SKIC3: variants seen among roughly 807,000 people sequenced by gnomAD.
SKIC3 encodes the protein superkiller complex protein 3.
the SKIC3 span, chr5:95,482,530 T>C: frequency 8.1e-6 from 13 of 1,614,054 alleles, no homozygotes; most frequent in South Asian, 7.7e-5. Context: ...GTTCTTCAAG[T>C]ACAGCATCTG....
At chr5:95,533,634 C>A in the SKIC3 span, among the ~76,000 whole-genome samples, 2 of 152,178 alleles carry the variant, frequency 1.3e-5, no homozygotes, top group African/African-American at 2.4e-5. Flanking sequence ...CACATATACA[C>A]TCTTTTTGCT....
chr5:95,519,877 C>G, the SKIC3 span, among the ~76,000 whole-genome samples: 1 of 151,986 alleles, frequency 6.6e-6, no homozygotes, highest in East Asian at 1.9e-4. Flanking sequence ...AAAGCATGCC[C>G]TTTACACAGT....
At chr5:95,552,797 T>C in the SKIC3 span, among the ~76,000 whole-genome samples, 1 of 151,288 alleles carries the variant, frequency 6.6e-6, no homozygotes, top group Admixed American at 6.6e-5. Flanking sequence ...CACAAAAGAG[T>C]AATCAAAACA....
the SKIC3 span, among the ~76,000 whole-genome samples, chr5:95,496,640 T>C: frequency 2.6e-4 from 39 of 152,294 alleles, no homozygotes; most frequent in African/African-American, 9.4e-4. Flanking sequence ...GGCACCTTAA[T>C]TCTAGGCCTC....
the SKIC3 span, among the ~76,000 whole-genome samples, chr5:95,486,454 A>C: frequency 6.6e-6 from 1 of 152,004 alleles, no homozygotes; most frequent in Non-Finnish European, 1.5e-5. Flanking sequence ...AAGCAACCCC[A>C]CCCTACCTAG....
the SKIC3 span, chr5:95,522,022 A>C: frequency 1.2e-6 from 2 of 1,611,862 alleles, no homozygotes. Context: ...TCAGGATCAT[A>C]AAAGTCAAAG....
At chr5:95,537,792 G>A in the SKIC3 span, among the ~76,000 whole-genome samples, 1 of 152,124 alleles carries the variant, frequency 6.6e-6, no homozygotes, top group Non-Finnish European at 1.5e-5. Flanking sequence ...CACTCAGCTG[G>A]CTACACGTTC....
At chr5:95,494,211 T>C in the SKIC3 span, among the ~76,000 whole-genome samples, 3 of 152,310 alleles carry the variant, frequency 2.0e-5, no homozygotes, top group African/African-American at 4.8e-5. Context: ...GACATTCCTT[T>C]AGGCCTCTTT....
the SKIC3 span, among the ~76,000 whole-genome samples, chr5:95,511,962 C>T: frequency 6.6e-6 from 1 of 152,190 alleles, no homozygotes; most frequent in Non-Finnish European, 1.5e-5. Context: ...ACTTCCTAAA[C>T]CTAAATGTAT....
the SKIC3 span, chr5:95,503,054 T>C: frequency 2.5e-6 from 4 of 1,608,844 alleles, no homozygotes; most frequent in Admixed American, 3.3e-5. Flanking sequence ...CCATCCTGAT[T>C]GATGAAGCAT....
At chr5:95,490,808 A>G in the SKIC3 span, 1 of 1,503,070 alleles carries the variant, frequency 6.7e-7, no homozygotes, top group Non-Finnish European at 9.1e-7. Context: ...TAATGAATAT[A>G]TTTTTTATAA....
chr5:95,496,310 G>A, the SKIC3 span, among the ~76,000 whole-genome samples: 1 of 152,272 alleles, frequency 6.6e-6, no homozygotes, highest in South Asian at 2.1e-4. Flanking sequence ...GAGCCACCGT[G>A]CCTGGCCCAA....
At chr5:95,532,990 T>G in the SKIC3 span, among the ~76,000 whole-genome samples, 1 of 152,118 alleles carries the variant, frequency 6.6e-6, no homozygotes, top group African/African-American at 2.4e-5. Context: ...CCATGTACAA[T>G]TTGGTGGCAT....
chr5:95,464,888 TCATTCAAATTAGTATAGATGCCAA>T, the SKIC3 span, among the ~76,000 whole-genome samples: 1 of 151,482 alleles, frequency 6.6e-6, no homozygotes, highest in Non-Finnish European at 1.5e-5. Context: ...GATGCACAAT[TCATTCAAATTAGTATAGATGCCAA>T]CATTCTGATT....
the SKIC3 span, among the ~76,000 whole-genome samples, chr5:95,469,423 G>A: frequency 6.6e-6 from 1 of 152,022 alleles, no homozygotes; most frequent in Non-Finnish European, 1.5e-5. Flanking sequence ...GCCTTGTGTT[G>A]GGGTCTTTTG....
At chr5:95,530,909 C>T in the SKIC3 span, among the ~76,000 whole-genome samples, 1 of 152,006 alleles carries the variant, frequency 6.6e-6, no homozygotes, top group Non-Finnish European at 1.5e-5. Flanking sequence ...CTCAATCCCA[C>T]AAAAGCATCA....
the SKIC3 span, chr5:95,540,906 A>G: frequency 2.7e-5 from 38 of 1,413,918 alleles, no homozygotes; most frequent in Non-Finnish European, 3.4e-5. Flanking sequence ...TCTGCAAATA[A>G]AAACATTTTT....
chr5:95,538,608 G>A, the SKIC3 span, among the ~76,000 whole-genome samples: 3 of 151,960 alleles, frequency 2.0e-5, no homozygotes, highest in South Asian at 2.1e-4. Context: ...ACTATAATAA[G>A]ACATTAAGTT....
At chr5:95,541,737 T>C in the SKIC3 span, 2 of 1,022,092 alleles carry the variant, frequency 2.0e-6, no homozygotes, top group East Asian at 2.5e-5. Flanking sequence ...AATGCTGGAA[T>C]ACTTCTACAT....
Sources: gnomAD v4.1 joint callset for allele counts (sites outside exome capture counted in the v4.1 genomes callset) on GRCh38, gnomAD v4.1.1 for gene constraint, MANE v1.5 for transcripts, NCBI Gene and HGNC (gene_info 2026-07-23, HGNC 2026-07-21) for gene names.